ADGRL3: variants seen among roughly 807,000 people sequenced by gnomAD.
ADGRL3 encodes the protein adhesion G protein-coupled receptor L3.
Under a neutral mutation model 153.5 loss-of-function variants are expected in ADGRL3, and 62 were observed. That is an observed-to-expected ratio of 0.40 (90% CI 0.33 to 0.50). The LOEUF is 0.50. Ranked by LOEUF, ADGRL3 falls within the 20% of genes least tolerant of loss-of-function variation. The pLI, the probability that ADGRL3 is intolerant of heterozygous loss-of-function variation, is 0.47. For synonymous variants in ADGRL3, 710 were observed against 672.5 expected (o/e 1.06, Z -0.86); for missense variants, 1,641 against 1,859.4 (o/e 0.88, Z 2.16).
intron 2 of ADGRL3, among the ~76,000 whole-genome samples, chr4:61,456,627 A>G (rs2097759426): frequency 6.6e-6 from 1 of 151,082 alleles, no homozygotes; most frequent in African/African-American, 2.4e-5. Context: ...AAGTTTGGAG[A>G]AGAAGTAAGT....
At chr4:61,562,321 G>A (rs184864529) in intron 4 of ADGRL3, among the ~76,000 whole-genome samples, 220 of 152,170 alleles carry the variant, frequency 1.4e-3, no homozygotes, top group African/African-American at 5.2e-3. Context: ...AGGCTGGAAC[G>A]GCTGTGGCAA....
intron 26 of ADGRL3, among the ~76,000 whole-genome samples, chr4:62,068,882 G>A (rs957195182): frequency 8.5e-5 from 13 of 152,072 alleles, no homozygotes; most frequent in South Asian, 6.2e-4. Context: ...TTTGAATCAC[G>A]TAATTTAAAC....
chr4:61,462,751 A>G (rs1579001847), intron 2 of ADGRL3, among the ~76,000 whole-genome samples: 1 of 152,204 alleles, frequency 6.6e-6, no homozygotes, highest in South Asian at 2.1e-4. Context: ...TTGGGCAATC[A>G]GCCTAGCCAG....
At chr4:61,428,054 G>A (rs1446524882) in intron 2 of ADGRL3, 1 of 152,762 alleles carries the variant, frequency 6.5e-6, no homozygotes, top group Non-Finnish European at 1.5e-5. Context: ...AGCTGACCCA[G>A]GACCATCAGG....
At chr4:62,037,673 T>G (rs1049228985) in intron 23 of ADGRL3, 58 bp from the exon 24 acceptor site, 22 of 1,592,458 alleles carry the variant, frequency 1.4e-5, no homozygotes, top group East Asian at 2.2e-5. Context: ...CATTGTCTAC[T>G]TTTGTTCCTA....
At chr4:61,372,824 C>G (rs984384928) in intron 1 of ADGRL3, among the ~76,000 whole-genome samples, 2 of 152,194 alleles carry the variant, frequency 1.3e-5, no homozygotes, top group Admixed American at 1.3e-4. Flanking sequence ...GCCCCTCCCC[C>G]AGTCTCGCTG....
At chr4:61,806,563 C>A (rs2097554998) in intron 8 of ADGRL3, among the ~76,000 whole-genome samples, 1 of 151,900 alleles carries the variant, frequency 6.6e-6, no homozygotes, top group African/African-American at 2.4e-5. Context: ...GTATTAAATA[C>A]ATTTTCATAA....
At chr4:61,872,820 C>T (rs1234785072) in intron 9 of ADGRL3, among the ~76,000 whole-genome samples, 1 of 152,134 alleles carries the variant, frequency 6.6e-6, no homozygotes, top group African/African-American at 2.4e-5. Flanking sequence ...AGAAAAGTAA[C>T]AATTTTTTAT....
chr4:61,732,233 G>C (rs1036577919), intron 7 of ADGRL3, among the ~76,000 whole-genome samples: 4 of 151,764 alleles, frequency 2.6e-5, no homozygotes, highest in Admixed American at 6.6e-5. Flanking sequence ...GAGCTTTTTT[G>C]CTAAAAGATT....
intron 9 of ADGRL3, among the ~76,000 whole-genome samples, chr4:61,886,414 AG>A (rs2098539091): frequency 6.6e-6 from 1 of 152,130 alleles, no homozygotes; most frequent in African/African-American, 2.4e-5. Flanking sequence ...GAACACTTAA[AG>A]GGTGGGGAGA....
At chr4:61,612,694 A>G (rs2091517986) in intron 5 of ADGRL3, among the ~76,000 whole-genome samples, 1 of 152,158 alleles carries the variant, frequency 6.6e-6, no homozygotes. Context: ...CTAAAACCAA[A>G]AGTGATGGAT....
At chr4:62,063,892 T>C (rs997740451) in intron 25 of ADGRL3, among the ~76,000 whole-genome samples, 4 of 152,126 alleles carry the variant, frequency 2.6e-5, no homozygotes, top group Non-Finnish European at 4.4e-5. Context: ...ATAAAATGTA[T>C]TGTGGTTTGT....
chr4:61,853,182 C>A (rs568491204), intron 9 of ADGRL3, among the ~76,000 whole-genome samples: 1 of 152,132 alleles, frequency 6.6e-6, no homozygotes, highest in African/African-American at 2.4e-5. Flanking sequence ...TTCTGGTGAC[C>A]AGCCCCCATC....
chr4:61,269,032 TCAG>T (rs927667730), intron 1 of ADGRL3, among the ~76,000 whole-genome samples: 2 of 151,676 alleles, frequency 1.3e-5, no homozygotes, highest in Non-Finnish European at 3.0e-5. Context: ...TCTTGTTAGG[TCAG>T]ACATAATGGA....
At chr4:62,014,918 A>C (rs1441626988) in intron 21 of ADGRL3, among the ~76,000 whole-genome samples, 1 of 152,128 alleles carries the variant, frequency 6.6e-6, no homozygotes, top group Non-Finnish European at 1.5e-5. Context: ...AAGGTAACAG[A>C]TTTCAGCTTT....
intron 5 of ADGRL3, among the ~76,000 whole-genome samples, chr4:61,631,047 C>T (rs534140401): frequency 7.8e-4 from 118 of 152,180 alleles, no homozygotes; most frequent in African/African-American, 2.6e-3. Flanking sequence ...TATTATATTC[C>T]CATCTCCTGG....
At chr4:61,744,172 C>A (rs975928193) in intron 8 of ADGRL3, among the ~76,000 whole-genome samples, 12 of 152,166 alleles carry the variant, frequency 7.9e-5, no homozygotes, top group Admixed American at 5.2e-4. Context: ...GGGCACCCAC[C>A]ATTGCCCAGG....
intron 9 of ADGRL3, among the ~76,000 whole-genome samples, chr4:61,873,881 A>G (rs1207985093): frequency 1.3e-5 from 2 of 152,030 alleles, no homozygotes; most frequent in Non-Finnish European, 2.9e-5. Flanking sequence ...ACATCCTACA[A>G]TGCAAAGAAC....
At chr4:61,865,403 G>C (rs1179242158) in intron 9 of ADGRL3, among the ~76,000 whole-genome samples, 2 of 152,102 alleles carry the variant, frequency 1.3e-5, no homozygotes, top group African/African-American at 4.8e-5. Flanking sequence ...GCTGTGGTTT[G>C]ACATTTCAGT....
Sources: gnomAD v4.1 joint callset for allele counts (sites outside exome capture counted in the v4.1 genomes callset) on GRCh38, gnomAD v4.1.1 for gene constraint, MANE v1.5 for transcripts, NCBI Gene and HGNC (gene_info 2026-07-23, HGNC 2026-07-21) for gene names.